Variants in XKR6 observed in about 807,000 individuals in gnomAD.
The protein encoded by XKR6 is XK related 6, also known as XK-related protein 6.
XKR6 carries 22 observed loss-of-function variants against 56.7 expected under a neutral mutation model. The observed-to-expected ratio is 0.39, with a 90% confidence interval of 0.28 to 0.55. XKR6 has a LOEUF of 0.55. Among genes scored for constraint, XKR6 ranks in the 20% least tolerant of loss-of-function variants. The probability of loss-of-function intolerance (pLI) is 0.66; values close to 1 mark genes in which losing one functional copy is unlikely to be tolerated. For synonymous variants in XKR6, 524 were observed against 387.8 expected, an observed-to-expected ratio of 1.35 and a Z score of -4.13; for missense variants, 852 against 889.0, an observed-to-expected ratio of 0.96 and a Z score of 0.53.
intron 1 of XKR6, among the ~76,000 whole-genome samples, chr8:10,929,661 G>T (rs1193808257): frequency 2.1e-4 from 32 of 152,234 alleles, no homozygotes; most frequent in Admixed American, 2.1e-3. Context: ...GTTTCCTCAT[G>T]TATAAAATGC....
chr8:10,996,739 A>T (rs1300226623), intron 1 of XKR6, among the ~76,000 whole-genome samples: 1 of 152,196 alleles, frequency 6.6e-6, no homozygotes, highest in Non-Finnish European at 1.5e-5. Flanking sequence ...TGGGCTCGGC[A>T]TGGTGGTTCA....
intron 1 of XKR6, among the ~76,000 whole-genome samples, chr8:11,156,850 C>T (rs1001892822): frequency 6.6e-6 from 1 of 151,172 alleles, no homozygotes; most frequent in Non-Finnish European, 1.5e-5. Context: ...CACACACATA[C>T]ACACACACAC....
At chr8:10,983,841 G>T (rs1248231191) in intron 1 of XKR6, among the ~76,000 whole-genome samples, 1 of 151,902 alleles carries the variant, frequency 6.6e-6, no homozygotes, top group Non-Finnish European at 1.5e-5. Flanking sequence ...ATTTTTCGTT[G>T]AGTTGGGGTT....
chr8:11,157,493 T>G (rs1255789692), intron 1 of XKR6, among the ~76,000 whole-genome samples: 1 of 129,414 alleles, frequency 7.7e-6, no homozygotes, highest in Non-Finnish European at 1.5e-5. Flanking sequence ...AAGGTATGTA[T>G]GTATGTATGT....
At chr8:11,122,891 A>G (rs986517056) in intron 1 of XKR6, among the ~76,000 whole-genome samples, 3 of 152,172 alleles carry the variant, frequency 2.0e-5, no homozygotes, top group African/African-American at 7.2e-5. Context: ...TCATGTAGCA[A>G]TGGAATAAAC....
chr8:10,902,344 G>T (rs1443743541), intron 2 of XKR6, among the ~76,000 whole-genome samples: 3 of 152,098 alleles, frequency 2.0e-5, no homozygotes, highest in Admixed American at 2.0e-4. Context: ...TCTATCTAGG[G>T]GAGCTTCCCA....
At chr8:10,899,667 G>T (rs1799981641) in intron 2 of XKR6, among the ~76,000 whole-genome samples, 1 of 152,258 alleles carries the variant, frequency 6.6e-6, no homozygotes, top group East Asian at 1.9e-4. Context: ...TCCTTCTCTG[G>T]TTGCCCTCTG....
intron 1 of XKR6, among the ~76,000 whole-genome samples, chr8:10,997,077 C>A (rs551317699): frequency 1.3e-5 from 2 of 152,346 alleles, no homozygotes; most frequent in South Asian, 4.1e-4. Flanking sequence ...TCATCGTCTG[C>A]ACCTTCTTTC....
At chr8:10,930,174 G>C (rs1296240558) in intron 1 of XKR6, among the ~76,000 whole-genome samples, 1 of 152,144 alleles carries the variant, frequency 6.6e-6, no homozygotes, top group African/African-American at 2.4e-5. Flanking sequence ...TTTCTACAAG[G>C]GGCAGGGGGC....
At chr8:11,017,873 T>C (rs999789869) in intron 1 of XKR6, among the ~76,000 whole-genome samples, 1 of 152,104 alleles carries the variant, frequency 6.6e-6, no homozygotes, top group Non-Finnish European at 1.5e-5. Flanking sequence ...GAGATGACAG[T>C]GGGTGCTGGG....
chr8:11,165,943 A>ATATATAG (rs1222639418), intron 1 of XKR6, among the ~76,000 whole-genome samples: 2 of 150,660 alleles, frequency 1.3e-5, no homozygotes, highest in Non-Finnish European at 2.9e-5. Flanking sequence ...GTATATATAT[A>ATATATAG]TATATAGTTT....
intron 1 of XKR6, among the ~76,000 whole-genome samples, chr8:10,978,558 C>T (rs1797648308): frequency 6.6e-6 from 1 of 152,194 alleles, no homozygotes; most frequent in Non-Finnish European, 1.5e-5. Context: ...CGTGCATTCT[C>T]CTCCAGAGAA....
In XKR6 at chr8:10,976,099, C is replaced by G. The variant is rs1284536689; in HGVS notation, c.765-51269G>C. Among the ~76,000 whole-genome samples the G allele has an allele frequency of 2.0e-5, 3 of 152,074 alleles. No individual in the cohort carries two copies. The East Asian group carries it at 5.8e-4, about 29-fold the overall frequency. ...GCTGAGGCAGGAGAATGGCATGAAC[C>G]CGGGAGGTGGAGCTTGCAGTGAGCC... On this transcript the variant is annotated intron_variant, in intron 1 of 2. Transcript: ENST00000416569.
intron 2 of XKR6, among the ~76,000 whole-genome samples, chr8:10,900,354 G>A (rs766921469): frequency 2.1e-4 from 32 of 152,152 alleles, no homozygotes; most frequent in African/African-American, 7.0e-4. Flanking sequence ...TCCGAAGCCC[G>A]ATGAAGAATC....
chr8:11,145,026 A>C (rs555076388), intron 1 of XKR6, among the ~76,000 whole-genome samples: 1 of 129,618 alleles, frequency 7.7e-6, no homozygotes, highest in East Asian at 2.1e-4. Flanking sequence ...GAAAGAAGGG[A>C]GAAAGGGAGA....
intron 1 of XKR6, among the ~76,000 whole-genome samples, chr8:11,031,038 C>T (rs964132287): frequency 2.6e-5 from 4 of 152,172 alleles, no homozygotes; most frequent in South Asian, 2.1e-4. Context: ...TCCTGGCTCA[C>T]GGCAAGCCCA....
intron 1 of XKR6, among the ~76,000 whole-genome samples, chr8:10,991,509 G>T (rs553218061): frequency 6.6e-6 from 1 of 152,180 alleles, no homozygotes; most frequent in Non-Finnish European, 1.5e-5. Flanking sequence ...GCCGGAACAC[G>T]ATGAGTCTAT....
intron 1 of XKR6, among the ~76,000 whole-genome samples, chr8:11,157,981 T>A (rs965128770): frequency 6.6e-6 from 1 of 152,184 alleles, no homozygotes; most frequent in Admixed American, 6.5e-5. Context: ...CAAAAATCTG[T>A]TGAGTCAATT....
intron 1 of XKR6, among the ~76,000 whole-genome samples, chr8:10,950,300 T>A (rs189230756): frequency 9.6e-4 from 146 of 152,298 alleles, no homozygotes; most frequent in African/African-American, 3.4e-3. Context: ...CTGAAGCCAG[T>A]GTGGTGCAGG....
Sources: allele counts gnomAD v4.1 joint callset (sites outside exome capture counted in the v4.1 genomes callset), GRCh38; gene constraint gnomAD v4.1.1; transcripts MANE v1.5; gene names NCBI Gene and HGNC (gene_info 2026-07-23, HGNC 2026-07-21).